NKAIN3: variants seen among roughly 807,000 people sequenced by gnomAD.
NKAIN3 encodes the protein sodium/potassium transporting ATPase interacting 3, also known as sodium/potassium-transporting ATPase subunit beta-1-interacting protein 3.
In NKAIN3, 25 loss-of-function variants were observed where a neutral mutation model predicts 30.2. The ratio of observed to expected loss-of-function variants is 0.83; its 90% CI spans 0.60 to 1.16. NKAIN3 has a LOEUF of 1.16. Ranked by LOEUF, NKAIN3 falls within the 50% of genes most tolerant of loss-of-function variation. NKAIN3 has a pLI of 0.00. For synonymous variants in NKAIN3, 91 were observed against 89.6 expected (o/e 1.02, Z -0.09); for missense variants, 225 against 254.1 (o/e 0.89, Z 0.78).
chr8:62,636,371 A>T (rs1812128327), intron 3 of NKAIN3, among the ~76,000 whole-genome samples: 1 of 152,210 alleles, frequency 6.6e-6, no homozygotes, highest in African/African-American at 2.4e-5. Context: ...ATGCACACAC[A>T]TACACACATA....
chr8:62,796,517 A>G (rs1349737844), intron 4 of NKAIN3, among the ~76,000 whole-genome samples: 1 of 151,954 alleles, frequency 6.6e-6, no homozygotes, highest in African/African-American at 2.4e-5. Flanking sequence ...GATGCTCGAC[A>G]TTCATCTAAT....
At chr8:62,545,065 G>A (rs1266686146) in intron 1 of NKAIN3, among the ~76,000 whole-genome samples, 1 of 152,072 alleles carries the variant, frequency 6.6e-6, no homozygotes, top group Admixed American at 6.6e-5. Flanking sequence ...GGCTGTCTTG[G>A]GAACTGAGTT....
chr8:62,892,749 A>G (rs1029755978), intron 4 of NKAIN3, among the ~76,000 whole-genome samples: 1 of 152,168 alleles, frequency 6.6e-6, no homozygotes, highest in Non-Finnish European at 1.5e-5. Flanking sequence ...TTGTTTATTC[A>G]CACAGTCTTC....
chr8:62,298,421 A>G (rs931902797), intron 1 of NKAIN3, among the ~76,000 whole-genome samples: 18 of 152,030 alleles, frequency 1.2e-4, no homozygotes, highest in Non-Finnish European at 2.1e-4. Context: ...ACCATAATTA[A>G]GACGGTAGGC....
chr8:62,303,575 G>A (rs1046576715), intron 1 of NKAIN3, among the ~76,000 whole-genome samples: 4 of 150,402 alleles, frequency 2.7e-5, no homozygotes, highest in East Asian at 1.9e-4. Flanking sequence ...TTATACTTGC[G>A]TTTTCAAAGA....
At chr8:62,492,730 A>T (rs1807110916) in intron 1 of NKAIN3, among the ~76,000 whole-genome samples, 1 of 152,138 alleles carries the variant, frequency 6.6e-6, no homozygotes, top group Non-Finnish European at 1.5e-5. Flanking sequence ...CACTATCAGC[A>T]GTTTAATTGA....
At chr8:62,269,035 G>A (rs189409395) in intron 1 of NKAIN3, among the ~76,000 whole-genome samples, 6 of 152,198 alleles carry the variant, frequency 3.9e-5, no homozygotes, top group African/African-American at 1.2e-4. Context: ...ACATCTTCCT[G>A]TACAACATCT....
intron 1 of NKAIN3, among the ~76,000 whole-genome samples, chr8:62,415,385 A>G (rs1435233496): frequency 2.7e-5 from 4 of 149,390 alleles, no homozygotes; most frequent in Non-Finnish European, 1.5e-5. Context: ...TCTGGATTAT[A>G]ATAATTGCTA....
At chr8:62,445,329 T>A (rs1380505283) in intron 1 of NKAIN3, among the ~76,000 whole-genome samples, 4 of 152,028 alleles carry the variant, frequency 2.6e-5, no homozygotes, top group African/African-American at 9.7e-5. Context: ...TTTTTTTGGT[T>A]GAGAAATATC....
chr8:62,940,799 G>T (rs1212294712), intron 5 of NKAIN3, among the ~76,000 whole-genome samples: 1 of 151,946 alleles, frequency 6.6e-6, no homozygotes, highest in African/African-American at 2.4e-5. Context: ...AGCATTAAAT[G>T]CCTACATCAA....
intron 3 of NKAIN3, among the ~76,000 whole-genome samples, chr8:62,639,050 A>T (rs1429378169): frequency 6.6e-6 from 1 of 152,194 alleles, no homozygotes; most frequent in Non-Finnish European, 1.5e-5. Context: ...CAAAATTAGA[A>T]AAAAAGAACT....
At chr8:62,657,819 AC>A (rs1563503526) in intron 3 of NKAIN3, among the ~76,000 whole-genome samples, 2 of 152,276 alleles carry the variant, frequency 1.3e-5, no homozygotes, top group East Asian at 3.9e-4. Context: ...TTTCTGAATG[AC>A]CTTGGACAAG....
chr8:62,412,916 A>AC (rs1162178114), intron 1 of NKAIN3, among the ~76,000 whole-genome samples: 5 of 82,176 alleles, frequency 6.1e-5, no homozygotes, highest in African/African-American at 1.9e-4. Flanking sequence ...CGTCAAAAAA[A>AC]AAAAACAAAA....
intron 1 of NKAIN3, among the ~76,000 whole-genome samples, chr8:62,543,356 C>G (rs1326258946): frequency 6.6e-6 from 1 of 152,140 alleles, no homozygotes; most frequent in African/African-American, 2.4e-5. Context: ...ATTTCCCTTC[C>G]ATGCCCACTT....
At chr8:62,732,968 CATCT>C (rs1389076828) in intron 3 of NKAIN3, among the ~76,000 whole-genome samples, 5 of 151,818 alleles carry the variant, frequency 3.3e-5, no homozygotes, top group African/African-American at 1.2e-4. Flanking sequence ...TTGCTTCTAC[CATCT>C]ATCTTTTGCT....
At chr8:62,610,984 G>A (rs1811271159) in intron 3 of NKAIN3, among the ~76,000 whole-genome samples, 1 of 152,012 alleles carries the variant, frequency 6.6e-6, no homozygotes, top group African/African-American at 2.4e-5. Context: ...TGGCATAATA[G>A]TTGATGTACT....
intron 1 of NKAIN3, among the ~76,000 whole-genome samples, chr8:62,392,340 T>C (rs1817606603): frequency 6.6e-6 from 1 of 152,052 alleles, no homozygotes; most frequent in African/African-American, 2.4e-5. Context: ...TTAAAAAATG[T>C]GTATGATTTG....
intron 1 of NKAIN3, among the ~76,000 whole-genome samples, chr8:62,517,955 C>A (rs1340967349): frequency 1.3e-5 from 2 of 152,046 alleles, no homozygotes; most frequent in Non-Finnish European, 2.9e-5. Context: ...TCTTCCATTT[C>A]AAATGGCCTG....
At chr8:62,682,054 A>C (rs546716950) in intron 3 of NKAIN3, among the ~76,000 whole-genome samples, 4 of 152,282 alleles carry the variant, frequency 2.6e-5, no homozygotes, top group African/African-American at 9.6e-5. Flanking sequence ...CTTTTGCTCC[A>C]AGAACTACTG....
Sources: gnomAD v4.1 joint callset for allele counts (sites outside exome capture counted in the v4.1 genomes callset) on GRCh38, gnomAD v4.1.1 for gene constraint, MANE v1.5 for transcripts, NCBI Gene and HGNC (gene_info 2026-07-23, HGNC 2026-07-21) for gene names.